Variants in UNC13C observed in about 807,000 individuals in gnomAD.
UNC13C encodes unc-13 homolog C.
In UNC13C, 174 loss-of-function variants were observed where a neutral mutation model predicts 245.4. The observed-to-expected ratio is 0.71, with a 90% confidence interval of 0.63 to 0.80. The LOEUF is 0.80. UNC13C is among the 30% of genes least tolerant of loss of function. UNC13C has a pLI of 0.00. For missense variants in UNC13C, 2,829 were observed against 2,602.9 expected, an observed-to-expected ratio of 1.09 and a Z score of -1.89; for synonymous variants, 992 against 895.1, an observed-to-expected ratio of 1.11 and a Z score of -1.93.
chr15:54,036,069 G>C (rs532638089), intron 2 of UNC13C, among the ~76,000 whole-genome samples: 125 of 152,296 alleles, frequency 8.2e-4, no homozygotes, highest in South Asian at 3.9e-3. Flanking sequence ...TAAAGAGAAT[G>C]ACCCCTTCCT....
intron 10 of UNC13C, among the ~76,000 whole-genome samples, chr15:54,290,251 G>A (rs1012133051): frequency 2.0e-5 from 3 of 152,040 alleles, no homozygotes; most frequent in Non-Finnish European, 4.4e-5. Context: ...TCTTTACGGG[G>A]AAAAAGTAGA....
chr15:53,897,393 T>A, the UNC13C span, among the ~76,000 whole-genome samples: 1 of 152,204 alleles, frequency 6.6e-6, no homozygotes, highest in Non-Finnish European at 1.5e-5. Flanking sequence ...CTTTGGGAAC[T>A]TTTTCGAGTA....
At chr15:54,296,930 G>A (rs982658651) in intron 11 of UNC13C, among the ~76,000 whole-genome samples, 3 of 152,228 alleles carry the variant, frequency 2.0e-5, no homozygotes, top group Non-Finnish European at 2.9e-5. Context: ...GAACACGTAC[G>A]CACGCACATT....
At chr15:54,175,829 A>G (rs1189097476) in intron 4 of UNC13C, among the ~76,000 whole-genome samples, 2 of 152,206 alleles carry the variant, frequency 1.3e-5, no homozygotes, top group Non-Finnish European at 2.9e-5. Context: ...GTTATGGGTC[A>G]TGTGGTGGCA....
the UNC13C span, among the ~76,000 whole-genome samples, chr15:53,945,500 G>T: frequency 1.3e-5 from 2 of 151,988 alleles, no homozygotes; most frequent in African/African-American, 2.4e-5. Flanking sequence ...TTAAGTGGGG[G>T]GTCCTTTCCC....
intron 4 of UNC13C, among the ~76,000 whole-genome samples, chr15:54,200,063 C>T: frequency 6.9e-6 from 1 of 145,530 alleles, no homozygotes; most frequent in South Asian, 2.1e-4. Flanking sequence ...AACTTTAAAG[C>T]AATAGCGGTT....
intron 27 of UNC13C, among the ~76,000 whole-genome samples, chr15:54,548,208 CTTTTT>C (rs60975842): frequency 2.6e-4 from 16 of 61,930 alleles, no homozygotes; most frequent in East Asian, 2.1e-3. Flanking sequence ...GTTTCTTTTG[CTTTTT>C]TTTTTTTTTT....
intron 1 of UNC13C, among the ~76,000 whole-genome samples, chr15:54,004,069 T>G (rs1253561327): frequency 6.6e-6 from 1 of 152,162 alleles, no homozygotes; most frequent in Non-Finnish European, 1.5e-5. Flanking sequence ...TTACAGACTA[T>G]AGTCGCCGTA....
chr15:54,451,727 AT>A (rs1891187378), intron 19 of UNC13C, among the ~76,000 whole-genome samples: 1 of 152,080 alleles, frequency 6.6e-6, no homozygotes, highest in Non-Finnish European at 1.5e-5. Flanking sequence ...CTTATTTAAT[AT>A]CATTACTTTT....
At chr15:53,867,277 C>A in the UNC13C span, among the ~76,000 whole-genome samples, 3 of 151,964 alleles carry the variant, frequency 2.0e-5, no homozygotes, top group African/African-American at 7.3e-5. Context: ...AAGCAATGAA[C>A]AATAAACATG....
chr15:54,037,401 TAA>T (rs1482674587), intron 2 of UNC13C, among the ~76,000 whole-genome samples: 1 of 152,096 alleles, frequency 6.6e-6, no homozygotes, highest in Non-Finnish European at 1.5e-5. Context: ...ATTGCGGTAA[TAA>T]GAGTATTTTT....
intron 10 of UNC13C, among the ~76,000 whole-genome samples, chr15:54,276,007 T>C (rs1447777816): frequency 2.6e-5 from 4 of 152,046 alleles, no homozygotes; most frequent in Non-Finnish European, 5.9e-5. Flanking sequence ...TTATGGTAAG[T>C]GACAGAATTC....
At chr15:54,502,218 A>C (rs1894249543) in intron 22 of UNC13C, among the ~76,000 whole-genome samples, 1 of 152,150 alleles carries the variant, frequency 6.6e-6, no homozygotes, top group African/African-American at 2.4e-5. Flanking sequence ...GTCATGAATA[A>C]GCATAATCTG....
chr15:54,472,781 A>G (rs1034785548), intron 19 of UNC13C, among the ~76,000 whole-genome samples: 8 of 152,016 alleles, frequency 5.3e-5, no homozygotes, highest in African/African-American at 1.7e-4. Flanking sequence ...ACGTTCTCAC[A>G]TATATAACAA....
At chr15:54,176,849 A>G (rs1299312478) in intron 4 of UNC13C, among the ~76,000 whole-genome samples, 2 of 152,164 alleles carry the variant, frequency 1.3e-5, no homozygotes, top group African/African-American at 4.8e-5. Flanking sequence ...TGAATTGTTT[A>G]TAGAAGATGT....
chr15:54,115,898 C>G (rs2030207615), intron 2 of UNC13C, among the ~76,000 whole-genome samples: 1 of 152,084 alleles, frequency 6.6e-6, no homozygotes, highest in Non-Finnish European at 1.5e-5. Context: ...CCTGGTAAGG[C>G]AGCAATAGAC....
chr15:54,208,927 T>C (rs1164259889), intron 4 of UNC13C, among the ~76,000 whole-genome samples: 2 of 152,144 alleles, frequency 1.3e-5, no homozygotes, highest in African/African-American at 2.4e-5. Context: ...GAACCCTTCC[T>C]CTGTGTGACG....
At chr15:54,001,013 T>C (rs1566940535) in intron 1 of UNC13C, among the ~76,000 whole-genome samples, 1 of 152,202 alleles carries the variant, frequency 6.6e-6, no homozygotes. Context: ...AATTTTTACA[T>C]CTTAGGAGGG....
chr15:54,222,005 C>T (rs1321224108), intron 4 of UNC13C, among the ~76,000 whole-genome samples: 3 of 151,930 alleles, frequency 2.0e-5, no homozygotes, highest in African/African-American at 4.8e-5. Context: ...TCACAAGATA[C>T]ATGACATATT....
Sources: gnomAD v4.1 joint callset for allele counts (sites outside exome capture counted in the v4.1 genomes callset) on GRCh38, gnomAD v4.1.1 for gene constraint, MANE v1.5 for transcripts, NCBI Gene and HGNC (gene_info 2026-07-23, HGNC 2026-07-21) for gene names.